The following NELL2 variants were observed in gnomAD, a reference collection of about 807,000 sequenced individuals.
NELL2 encodes protein kinase C-binding protein NELL2.
Under a neutral mutation model 109.6 loss-of-function variants are expected in NELL2, and 41 were observed. The ratio of observed to expected loss-of-function variants is 0.37; its 90% CI spans 0.29 to 0.49. NELL2 has a LOEUF of 0.49. NELL2 is among the 20% of genes least tolerant of loss of function. NELL2 has a pLI of 0.98. For missense variants in NELL2, 900 were observed against 1,008.3 expected, an observed-to-expected ratio of 0.89 and a Z score of 1.45; for synonymous variants, 355 against 344.7, an observed-to-expected ratio of 1.03 and a Z score of -0.33.
chr12:44,655,230 G>T (rs1433859612), intron 13 of NELL2, among the ~76,000 whole-genome samples: 1 of 152,174 alleles, frequency 6.6e-6, no homozygotes, highest in Non-Finnish European at 1.5e-5. Flanking sequence ...AGGTGAGCTT[G>T]CAGAGAGGCA....
intron 3 of NELL2, among the ~76,000 whole-genome samples, chr12:44,813,697 A>G (rs1299490111): frequency 1.3e-5 from 2 of 152,218 alleles, no homozygotes; most frequent in Non-Finnish European, 2.9e-5. Flanking sequence ...GAACTTCAAC[A>G]TTAGTCTTTT....
rs567900477 is a variant in NELL2 at position 44,745,487 on chromosome 12, A to G, written c.994+29260T>C. Among the ~76,000 whole-genome samples the G allele has an allele frequency of 1.1e-4, 16 of 152,306 alleles. No homozygotes were observed. In the South Asian group the frequency reaches 1.2e-3, roughly 12 times the overall value. On this transcript the variant is annotated intron_variant, in intron 9 of 19. Coordinates refer to ENST00000429094, the MANE Select transcript of NELL2 (RefSeq NM_001145108.2). ...AGGAGAAGGAAATAAAGGGTATTCAATTAGGAAAAGAGGAAGTCAAATTGT... is the reference window on the plus strand; with the variant it reads ...AGGAGAAGGAAATAAAGGGTATTCAGTTAGGAAAAGAGGAAGTCAAATTGT...
intron 2 of NELL2, among the ~76,000 whole-genome samples, chr12:44,830,754 C>T (rs1943861379): frequency 6.6e-6 from 1 of 152,144 alleles, no homozygotes; most frequent in South Asian, 2.1e-4. Flanking sequence ...TTCCCAGCCC[C>T]ATCATGTTGG....
intron 11 of NELL2, 53 bp from the exon 12 acceptor site, chr12:44,703,907 A>AT: frequency 6.7e-7 from 1 of 1,492,126 alleles, no homozygotes; most frequent in South Asian, 1.3e-5. Context: ...GACAATGCAA[A>AT]TTTTTCCTAC....
chr12:44,919,660 C>A (rs1479300504), intron 1 of NELL2, among the ~76,000 whole-genome samples: 2 of 152,042 alleles, frequency 1.3e-5, no homozygotes, highest in African/African-American at 4.8e-5. Flanking sequence ...ACAAGGAATG[C>A]CAAAGATTGC....
At chr12:44,839,219 C>A (rs1428973253) in intron 2 of NELL2, among the ~76,000 whole-genome samples, 1 of 151,996 alleles carries the variant, frequency 6.6e-6, no homozygotes, top group Admixed American at 6.6e-5. Context: ...ATTTATGTGA[C>A]CCCTGGTAAC....
At chr12:44,799,092 A>T (rs1049451308) in intron 3 of NELL2, among the ~76,000 whole-genome samples, 3 of 150,762 alleles carry the variant, frequency 2.0e-5, no homozygotes, top group African/African-American at 7.3e-5. Context: ...CCGAGTAGCT[A>T]GGACTACAGA....
rs1013737402 is a variant in NELL2 at position 44,753,239 on chromosome 12, C to T, written c.994+21508G>A. Among the ~76,000 whole-genome samples the T allele has an allele frequency of 2.0e-5, 3 of 152,118 alleles. No individual in the cohort carries two copies. In the South Asian group the frequency reaches 6.2e-4, roughly 31 times the overall value. On this transcript the variant is annotated intron_variant, in intron 9 of 19. Transcript: ENST00000429094. ...TTTTCCTTCATGGTACTTTCAATTT[C>T]ACATCATTAGCATTTACTACTCTCC...
At chr12:44,918,028 C>T (rs541561752), upstream of NELL2, among the ~76,000 whole-genome samples, 1 of 152,202 alleles carries the variant, frequency 6.6e-6, no homozygotes, top group African/African-American at 2.4e-5. Flanking sequence ...GTCCTTTCCT[C>T]TTGAAAATAA....
chr12:44,660,258 C>A (rs564750410), intron 13 of NELL2, among the ~76,000 whole-genome samples: 1 of 152,266 alleles, frequency 6.6e-6, no homozygotes, highest in Non-Finnish European at 1.5e-5. Flanking sequence ...GACTCTAAAG[C>A]AGGATTTCCC....
chr12:44,694,520 A>ACAC (rs1948995456), intron 12 of NELL2, among the ~76,000 whole-genome samples: 65 of 144,392 alleles, frequency 4.5e-4, no homozygotes, highest in African/African-American at 1.5e-3. Flanking sequence ...CACACATACA[A>ACAC]ACACACACAC....
At chr12:44,913,720 G>T in intron 1 of NELL2, 2 of 535,914 alleles carry the variant, frequency 3.7e-6, no homozygotes, top group East Asian at 4.9e-5. Flanking sequence ...GAAAATTCAG[G>T]TCACTATACC....
chr12:44,640,917 G>C (rs1592253385), intron 13 of NELL2, among the ~76,000 whole-genome samples: 1 of 152,254 alleles, frequency 6.6e-6, no homozygotes, highest in East Asian at 1.9e-4. Flanking sequence ...CCAGTTAAGA[G>C]CAACAGGGTT....
At chr12:44,830,693 T>C (rs758259336) in intron 2 of NELL2, among the ~76,000 whole-genome samples, 4 of 151,960 alleles carry the variant, frequency 2.6e-5, no homozygotes, top group Non-Finnish European at 5.9e-5. Context: ...TGCTCAGAGA[T>C]TTTACAAAAA....
rs765900708 is a variant in NELL2 at position 44,522,007 on chromosome 12, C to T, written c.2168G>A (p.Arg723His). ...TCATGTAGCTAAATTTACCAAGCAG[C>T]GGCACTGTTGACAATTCTGGACCCA... is the stretch of plus-strand genomic sequence containing the variant. ...DTWVQNCQQC[R>H]CLQGEVDCWP... Residue 723 changes from arginine to histidine, a missense_variant, in exon 18 of 20, where the codon CGC becomes CAC. Arg to His is a conservative substitution (Grantham distance 29). This residue lies in a region of NELL2 where 333 missense variants were observed against 432.3 expected (regional missense o/e 0.77). Transcript: ENST00000429094. The T allele has an allele frequency of 2.0e-5, 33 of 1,612,736 alleles. No homozygotes were observed. The highest frequency in any genetic ancestry group is 5.3e-5 in the African/African-American group (4 of 74,786).
intron 15 of NELL2, among the ~76,000 whole-genome samples, chr12:44,543,870 T>A (rs1055462550): frequency 3.9e-5 from 6 of 152,138 alleles, no homozygotes; most frequent in African/African-American, 1.4e-4. Flanking sequence ...GCATCTTAAT[T>A]TCTGTATAAA....
At chr12:44,598,877 ACACACACT>A (rs1312126294) in intron 15 of NELL2, among the ~76,000 whole-genome samples, 7 of 148,904 alleles carry the variant, frequency 4.7e-5, no homozygotes, top group African/African-American at 1.7e-4. Context: ...ACACACACAC[ACACACACT>A]CTCTCTCTCT....
At chr12:44,537,097 C>G (rs1942329150) in intron 15 of NELL2, among the ~76,000 whole-genome samples, 1 of 150,406 alleles carries the variant, frequency 6.6e-6, no homozygotes, top group Non-Finnish European at 1.5e-5. Flanking sequence ...TTCTTTGTCT[C>G]TTTCAGGTAT....
intron 5 of NELL2, among the ~76,000 whole-genome samples, chr12:44,778,357 C>A (rs1186570830): frequency 6.6e-6 from 1 of 151,972 alleles, no homozygotes; most frequent in Non-Finnish European, 1.5e-5. Context: ...TGTGCTTGGG[C>A]CTAGATTGAT....
Sources: allele counts gnomAD v4.1 joint callset (sites outside exome capture counted in the v4.1 genomes callset), GRCh38; gene constraint gnomAD v4.1.1; regional missense constraint gnomAD v4.1.1; transcripts MANE v1.5; gene names NCBI Gene and HGNC (gene_info 2026-07-23, HGNC 2026-07-21).